The following PCSK5 variants were observed in gnomAD, a reference collection of about 807,000 sequenced individuals.
The protein encoded by PCSK5 is prohormone convertase 5.
PCSK5 carries 129 observed loss-of-function variants against 233.2 expected under a neutral mutation model. The ratio of observed to expected loss-of-function variants is 0.55; its 90% CI spans 0.48 to 0.64. PCSK5 has a LOEUF of 0.64. Among genes scored for constraint, PCSK5 ranks in the 30% least tolerant of loss-of-function variants. The pLI is 0.00. For synonymous variants in PCSK5, 825 were observed against 879.2 expected (o/e 0.94, Z 1.09); for missense variants, 2,076 against 2,430.1 (o/e 0.85, Z 3.06).
At chr9:76,061,870 T>G (rs1830041781) in intron 5 of PCSK5, among the ~76,000 whole-genome samples, 2 of 152,358 alleles carry the variant, frequency 1.3e-5, no homozygotes, top group South Asian at 4.1e-4. Flanking sequence ...CTCTTATGTA[T>G]CAATCTTTAA....
intron 24 of PCSK5, among the ~76,000 whole-genome samples, chr9:76,248,217 A>G (rs960976486): frequency 8.5e-5 from 13 of 152,192 alleles, no homozygotes; most frequent in Non-Finnish European, 1.3e-4. Context: ...GGCATGATCT[A>G]CCGCACCCAA....
At chr9:76,207,302 A>G (rs34450823) in intron 20 of PCSK5, among the ~76,000 whole-genome samples, 12,289 of 152,210 alleles carry the variant, frequency 0.081, 650 homozygotes, top group Admixed American at 0.13. Context: ...ACGGCCTCCC[A>G]CACTTGGATT....
chr9:75,960,952 A>AG (rs1825327197), intron 2 of PCSK5, among the ~76,000 whole-genome samples: 1 of 32,872 alleles, frequency 3.0e-5, no homozygotes, highest in Admixed American at 3.6e-4. Flanking sequence ...ACTCTTCTAT[A>AG]AGGAAATTGA....
At chr9:76,194,356 G>T (rs1824581374) in intron 20 of PCSK5, 1 of 152,174 alleles carries the variant, frequency 6.6e-6, no homozygotes, top group Non-Finnish European at 1.5e-5. Context: ...GTATTTTTAA[G>T]AAATGGAATT....
At chr9:76,320,080 G>C (rs972768382) in intron 30 of PCSK5, among the ~76,000 whole-genome samples, 1 of 151,928 alleles carries the variant, frequency 6.6e-6, no homozygotes, top group South Asian at 2.1e-4. Flanking sequence ...GGCCACTACC[G>C]GTTTCCGCAT....
In PCSK5 at chr9:76,212,197, G is replaced by A. The variant is rs147728843; in HGVS notation, c.2627-15306G>A. ...GATGGCCCCTCTGAAGGAATGTGTA[G>A]GTGATGACATTTCTTTCATCATTTT... On this transcript the variant is annotated intron_variant, in intron 20 of 37. Transcript: ENST00000674117. Among the ~76,000 whole-genome samples the A allele has an allele frequency of 1.1e-3, 173 of 152,256 alleles. 2 individuals carry two copies. Among genetic ancestry groups the A allele is most frequent in the South Asian group, 9.4e-3 (45 of 4,810 alleles).
intron 20 of PCSK5, among the ~76,000 whole-genome samples, chr9:76,196,459 A>C (rs1478544142): frequency 2.0e-5 from 3 of 152,256 alleles, no homozygotes; most frequent in African/African-American, 7.2e-5. Flanking sequence ...TAAAAACAGC[A>C]GTGGAGTATA....
intron 4 of PCSK5, among the ~76,000 whole-genome samples, chr9:76,025,669 T>C (rs2131491934): frequency 6.6e-6 from 1 of 152,306 alleles, no homozygotes; most frequent in South Asian, 2.1e-4. Flanking sequence ...AGTGACCCCA[T>C]ATCTTTGTGG....
chr9:75,941,537 G>A lies in PCSK5; in HGVS notation c.297+9054G>A, dbSNP rs949848230. Among the ~76,000 whole-genome samples, 4 of 152,140 alleles carry A rather than the reference G, an allele frequency of 2.6e-5. No homozygotes were observed. The East Asian group carries it at 7.8e-4, about 30-fold the overall frequency. On this transcript the variant is annotated intron_variant, in intron 2 of 37. Coordinates refer to ENST00000674117, the MANE Select transcript of PCSK5 (RefSeq NM_001372043.1). ...CAAGCAGAGAGGCTGCAGATGTGCT[G>A]ATCAGGAGGGACTTAGGACAGCTCT...
intron 7 of PCSK5, among the ~76,000 whole-genome samples, chr9:76,089,768 A>G (rs1482257113): frequency 6.6e-6 from 1 of 152,250 alleles, no homozygotes; most frequent in East Asian, 1.9e-4. Flanking sequence ...AAAGAAATTT[A>G]GTTCCATCAT....
chr9:76,155,157 C>G (rs1823836111), intron 10 of PCSK5, among the ~76,000 whole-genome samples: 1 of 152,126 alleles, frequency 6.6e-6, no homozygotes, highest in Non-Finnish European at 1.5e-5. Context: ...TTAATATGTC[C>G]TATCTGGCTA....
In PCSK5 at chr9:76,209,836, T is replaced by C. The variant is rs1016908047; in HGVS notation, c.2627-17667T>C. ...ATATTAAATTATAAATTAAAATATG[T>C]ACAAAGCACAACCAAGCACAGAAAG... On this transcript the variant is annotated intron_variant, in intron 20 of 37. Coordinates refer to ENST00000674117, the MANE Select transcript of PCSK5 (RefSeq NM_001372043.1). 7.9e-5 allele frequency among the ~76,000 whole-genome samples: 12 copies of C among 151,830 alleles called. 1 individual carries two copies. Among genetic ancestry groups the C allele is most frequent in the Admixed American group, 4.6e-4 (7 of 15,218 alleles).
chr9:75,985,684 A>G (rs75793394), intron 2 of PCSK5, among the ~76,000 whole-genome samples: 1,961 of 152,302 alleles, frequency 0.013, 38 homozygotes, highest in African/African-American at 0.044. Context: ...TATCATCTAC[A>G]GTGCTGCAAT....
At chr9:76,344,112 G>A (rs1012614314) in intron 35 of PCSK5, among the ~76,000 whole-genome samples, 1 of 152,166 alleles carries the variant, frequency 6.6e-6, no homozygotes, top group Admixed American at 6.6e-5. Flanking sequence ...AGTTGCACTA[G>A]CCATATTTCA....
chr9:76,079,757 A>G (rs1461613442), intron 7 of PCSK5, among the ~76,000 whole-genome samples: 3 of 152,136 alleles, frequency 2.0e-5, no homozygotes, highest in Admixed American at 6.5e-5. Context: ...CTCAAGGGGA[A>G]TGGTTCCAGC....
At chr9:76,283,995 ACT>A (rs1184981111) in intron 24 of PCSK5, among the ~76,000 whole-genome samples, 1 of 152,230 alleles carries the variant, frequency 6.6e-6, no homozygotes, top group Non-Finnish European at 1.5e-5. Flanking sequence ...AAGGAACCAA[ACT>A]CAACATGTTT....
intron 36 of PCSK5, among the ~76,000 whole-genome samples, 152 bp from the exon 37 acceptor site, chr9:76,353,881 A>C (rs895703163): frequency 5.9e-5 from 9 of 152,150 alleles, no homozygotes; most frequent in Non-Finnish European, 1.2e-4. Flanking sequence ...CTTTCACCCA[A>C]CACAGTTAAA....
chr9:76,197,663 T>C (rs1035194683), intron 20 of PCSK5, among the ~76,000 whole-genome samples: 2 of 152,020 alleles, frequency 1.3e-5, no homozygotes, highest in Non-Finnish European at 2.9e-5. Flanking sequence ...AAATTGCATA[T>C]TGGAGGCAAT....
At chr9:76,093,698 A>G (rs1287722865) in intron 7 of PCSK5, among the ~76,000 whole-genome samples, 5 of 152,074 alleles carry the variant, frequency 3.3e-5, no homozygotes, top group Non-Finnish European at 7.4e-5. Context: ...ACAATCCCAT[A>G]TATTCTATTG....
Sources: gnomAD v4.1 joint callset for allele counts (sites outside exome capture counted in the v4.1 genomes callset) on GRCh38, gnomAD v4.1.1 for gene constraint, MANE v1.5 for transcripts, NCBI Gene and HGNC (gene_info 2026-07-23, HGNC 2026-07-21) for gene names.